FLRT1: variants seen among roughly 807,000 people sequenced by gnomAD.
FLRT1 encodes fibronectin leucine rich transmembrane protein 1.
In FLRT1, 14 loss-of-function variants were observed where a neutral mutation model predicts 30.9. The ratio of observed to expected loss-of-function variants is 0.45; its 90% CI spans 0.30 to 0.71. The LOEUF (loss-of-function observed/expected upper bound fraction) is 0.71. Among genes scored for constraint, FLRT1 ranks in the 30% least tolerant of loss-of-function variants. The pLI is 0.08. For synonymous variants in FLRT1, 368 were observed against 430.4 expected (o/e 0.85, Z 1.80); for missense variants, 737 against 949.2 (o/e 0.78, Z 2.94).
chr11:64,088,798 T>C (rs1944439594), intron 1 of FLRT1, among the ~76,000 whole-genome samples: 2 of 152,114 alleles, frequency 1.3e-5, no homozygotes, highest in African/African-American at 4.8e-5. Flanking sequence ...GCCTGGCACA[T>C]GATGGGCTCT....
chr11:64,063,009 G>A (rs374158118), intron 1 of FLRT1, among the ~76,000 whole-genome samples: 11 of 152,334 alleles, frequency 7.2e-5, no homozygotes, highest in African/African-American at 1.9e-4. Flanking sequence ...CCCATCTTCC[G>A]AGCTGTGAGG....
At chr11:64,109,403 C>T (rs1007095497) in intron 2 of FLRT1, among the ~76,000 whole-genome samples, 2 of 152,102 alleles carry the variant, frequency 1.3e-5, no homozygotes, top group Admixed American at 6.5e-5. Context: ...CTGGGAAACC[C>T]GGGAGGCTGC....
rs993356233 is a variant in FLRT1 at position 64,118,904 on chromosome 11, C to T, written c.*612C>T. ...GAAACATGGCATCTTTCACTGCATTCTTTGAACAATCATGTAGTCGATTAA... is the reference window on the plus strand; with the variant it reads ...GAAACATGGCATCTTTCACTGCATTTTTTGAACAATCATGTAGTCGATTAA... On this transcript the variant is annotated 3_prime_UTR_variant, in exon 3 of 3. Coordinates refer to ENST00000682287, the MANE Select transcript of FLRT1 (RefSeq NM_013280.5). 2 of 166,770 alleles carry T rather than the reference C, an allele frequency of 1.2e-5. No homozygotes were observed. Among genetic ancestry groups the T allele is most frequent in the African/African-American group, 2.4e-5 (1 of 41,264 alleles). The allele number at this position is 166,770 out of a possible 1,614,324, so 10.3% of individuals were successfully genotyped here.
chr11:64,040,085 G>A (rs1327655875), intron 1 of FLRT1, among the ~76,000 whole-genome samples: 1 of 152,262 alleles, frequency 6.6e-6, no homozygotes, highest in Non-Finnish European at 1.5e-5. Flanking sequence ...TTATTGCCAG[G>A]CACAGTGCTG....
chr11:64,076,376 C>A (rs914203674), intron 1 of FLRT1, among the ~76,000 whole-genome samples: 1 of 152,172 alleles, frequency 6.6e-6, no homozygotes, highest in African/African-American at 2.4e-5. Context: ...AGCCTGGAGA[C>A]CGTGATTGTC....
At chr11:64,056,372 A>T (rs983098672) in intron 1 of FLRT1, among the ~76,000 whole-genome samples, 1 of 152,136 alleles carries the variant, frequency 6.6e-6, no homozygotes, top group Non-Finnish European at 1.5e-5. Flanking sequence ...CAGTGCCAGA[A>T]TGAACAGGCC....
chr11:64,040,137 T>C (rs900847135), intron 1 of FLRT1, among the ~76,000 whole-genome samples: 8 of 152,270 alleles, frequency 5.3e-5, no homozygotes, highest in African/African-American at 1.9e-4. Context: ...GTGGGTGTCT[T>C]GCCCTCAGGG....
chr11:64,107,615 A>G (rs756813040), intron 2 of FLRT1, among the ~76,000 whole-genome samples: 6 of 152,358 alleles, frequency 3.9e-5, no homozygotes, highest in Middle Eastern at 3.4e-3. Flanking sequence ...AATTAACTTT[A>G]GGTTTTAAAA....
intron 1 of FLRT1, among the ~76,000 whole-genome samples, chr11:64,056,457 A>T (rs1385143213): frequency 1.3e-5 from 2 of 152,018 alleles, no homozygotes; most frequent in Non-Finnish European, 2.9e-5. Context: ...AGGAAGGGGG[A>T]GCAGCTGCGG....
At chr11:64,088,266 G>C (rs1041579148) in intron 1 of FLRT1, among the ~76,000 whole-genome samples, 3 of 152,206 alleles carry the variant, frequency 2.0e-5, no homozygotes, top group Non-Finnish European at 4.4e-5. Flanking sequence ...GCACCCAGGG[G>C]AGCCGTAGCC....
chr11:64,076,692 G>C (rs983555261), intron 1 of FLRT1, among the ~76,000 whole-genome samples: 1 of 152,204 alleles, frequency 6.6e-6, no homozygotes, highest in African/African-American at 2.4e-5. Context: ...TCAGAAAGAG[G>C]TTGGTCCTCC....
At chr11:64,071,407 G>A (rs1248304704) in intron 1 of FLRT1, among the ~76,000 whole-genome samples, 4 of 152,150 alleles carry the variant, frequency 2.6e-5, no homozygotes, top group Admixed American at 1.3e-4. Flanking sequence ...TGAAACTCAC[G>A]GATGGAGACC....
chr11:64,063,719 C>T (rs537583613), intron 1 of FLRT1, among the ~76,000 whole-genome samples: 1 of 152,286 alleles, frequency 6.6e-6, no homozygotes, highest in East Asian at 1.9e-4. Context: ...GTGCTGAAAC[C>T]TACTCCCCCC....
At position 64,110,802 on chromosome 11, in the gene FLRT1, A is replaced by G. The variant is rs554608657; in HGVS notation, c.-49-5417A>G. Among the ~76,000 whole-genome samples the G allele has an allele frequency of 3.3e-5, 5 of 152,350 alleles. No individual in the cohort carries two copies. The East Asian group carries it at 9.7e-4, about 30-fold the overall frequency. On this transcript the variant is annotated intron_variant, in intron 2 of 2. Transcript: ENST00000682287. ...TTACCAGGTTTAATTTGATGGCCACATAAACTATGAAACACACAACAAGGG... is the reference window on the plus strand; with the variant it reads ...TTACCAGGTTTAATTTGATGGCCACGTAAACTATGAAACACACAACAAGGG...
At chr11:64,080,894 G>A (rs115334721) in intron 1 of FLRT1, among the ~76,000 whole-genome samples, 60 of 152,316 alleles carry the variant, frequency 3.9e-4, no homozygotes, top group Non-Finnish European at 6.8e-4. Context: ...CTGAGGACTC[G>A]GGCTGCAGGC....
intron 1 of FLRT1, among the ~76,000 whole-genome samples, chr11:64,075,967 C>T (rs535119602): frequency 2.0e-5 from 3 of 152,368 alleles, no homozygotes; most frequent in African/African-American, 7.2e-5. Flanking sequence ...GGCCACTGTG[C>T]CCGGCCTGGC....
intron 1 of FLRT1, among the ~76,000 whole-genome samples, chr11:64,088,512 C>A (rs1417454437): frequency 6.6e-6 from 1 of 152,210 alleles, no homozygotes; most frequent in Non-Finnish European, 1.5e-5. Context: ...CTCACCAGGA[C>A]GGCAGAGGCT....
At chr11:64,089,348 T>A (rs1309588031) in intron 1 of FLRT1, among the ~76,000 whole-genome samples, 1 of 151,886 alleles carries the variant, frequency 6.6e-6, no homozygotes, top group East Asian at 1.9e-4. Context: ...CCAAACTCGG[T>A]CAAAATAGGG....
chr11:64,112,812 C>A (rs1481804766), intron 2 of FLRT1, among the ~76,000 whole-genome samples: 2 of 152,186 alleles, frequency 1.3e-5, no homozygotes, highest in African/African-American at 4.8e-5. Context: ...CATAGGATTG[C>A]ACAGGGCCTT....
Sources: allele counts gnomAD v4.1 joint callset (sites outside exome capture counted in the v4.1 genomes callset), GRCh38; gene constraint gnomAD v4.1.1; transcripts MANE v1.5; gene names NCBI Gene and HGNC (gene_info 2026-07-23, HGNC 2026-07-21).